Variants in HAUS6 observed in about 807,000 individuals in gnomAD.
HAUS6 encodes HAUS augmin like complex subunit 6, also known as HAUS augmin-like complex subunit 6.
Under a neutral mutation model 106.8 loss-of-function variants are expected in HAUS6, and 80 were observed. The observed-to-expected ratio is 0.75, with a 90% CI of 0.63 to 0.90. The LOEUF is 0.90. Among genes scored for constraint, HAUS6 ranks in the 40% least tolerant of loss-of-function variants. HAUS6 has a pLI of 0.00. For missense variants in HAUS6, 1,155 were observed against 1,118.1 expected, an observed-to-expected ratio of 1.03 and a Z score of -0.47; for synonymous variants, 356 against 379.1, an observed-to-expected ratio of 0.94 and a Z score of 0.71.
At chr9:19,089,660 C>T (rs1817704101) in intron 4 of HAUS6, 101 bp from the exon 5 acceptor site, 3 of 735,172 alleles carry the variant, frequency 4.1e-6, no homozygotes, top group Middle Eastern at 3.7e-4. Flanking sequence ...GGTATACAAT[C>T]TCCCACTGCT....
Position 19,058,091 on chromosome 9 carries a change from T to C in HAUS6, c.2676A>G (p.Ile892Met). 1.2e-6 allele frequency: 2 copies of C among 1,614,188 alleles called. No homozygotes were observed. The highest frequency in any genetic ancestry group is 1.7e-6 in the Non-Finnish European group (2 of 1,180,006). The change falls in exon 16 of 17, where the codon ATA (isoleucine) becomes ATG (methionine). Residue 892 changes from isoleucine (I) to methionine (M), a missense_variant. By Grantham distance (10) the Ile-to-Met change is conservative (BLOSUM62 1). This residue lies in a region of HAUS6 where 380 missense variants were observed against 394.8 expected (regional missense o/e 0.96). Coordinates refer to ENST00000380502, the MANE Select transcript of HAUS6 (RefSeq NM_017645.5). ...LDTCDLHTEH[I>M]KPSLRTSIGE... is the part of the protein sequence containing the mutation. ...CGATGGACGTGCGTAAAGATGGCTTTATATGCTCAGTATGCAAATCACAGG... is the reference window on the plus strand; with the variant it reads ...CGATGGACGTGCGTAAAGATGGCTTCATATGCTCAGTATGCAAATCACAGG...
rs905903652 is a variant in HAUS6 at position 19,099,229 on chromosome 9, C to G, written c.129-2460G>C. On this transcript the variant is annotated intron_variant, in intron 1 of 16. Transcript: ENST00000380502. The stretch of plus-strand genomic sequence containing the variant: ...TCCCCCAGGCTGGAGTGCAGCGGCG[C>G]GATCTCGGCTCACTGCAAGCTCTGC... Among the ~76,000 whole-genome samples the G allele has an allele frequency of 1.7e-4, 25 of 150,392 alleles. No individual in the cohort carries two copies. The South Asian group carries it at 4.8e-3, about 29-fold the overall frequency.
intron 16 of HAUS6, 193 bp from the exon 17 acceptor site, chr9:19,056,597 CT>C (rs879658713): frequency 0.085 from 33,425 of 390,982 alleles, 83 homozygotes; most frequent in Middle Eastern, 0.11. Flanking sequence ...TCCCAGAGTA[CT>C]TTTTTTTTTT....
chr9:19,075,169 T>C (rs780751416), intron 11 of HAUS6, among the ~76,000 whole-genome samples: 22 of 152,224 alleles, frequency 1.4e-4, no homozygotes, highest in Non-Finnish European at 4.4e-5. Flanking sequence ...TCCATCCATA[T>C]GAAAATCCAG....
rs559195154 is a variant in HAUS6 at position 19,076,694 on chromosome 9, A to T, written c.1202T>A (p.Leu401His). Residue 401 changes from leucine to histidine, a missense_variant, in exon 11 of 17, where the codon CTT becomes CAT. Leu to His is a moderately conservative substitution (Grantham distance 99). Around this residue, in one of 3 missense-constraint regions of HAUS6, gnomAD observed 761 missense variants for 690.0 expected, o/e 1.10. Transcript: ENST00000380502. The part of the protein sequence containing the change: ...LIKGWTPSVD[L>H]LPPMSPLSFD... ...CGAAAGGGGAGACATTGGTGGTAAAAGATCTACAGACTTAAAACAGAAAAT... is the reference window on the plus strand; with the variant it reads ...CGAAAGGGGAGACATTGGTGGTAAATGATCTACAGACTTAAAACAGAAAAT... 4.7e-5 allele frequency: 71 copies of T among 1,499,208 alleles called. No homozygotes were observed. In the East Asian group the frequency reaches 1.4e-3, roughly 30 times the overall value. The allele number at this position is 1,499,208 out of a possible 1,614,324, so 92.9% of individuals were successfully genotyped here.
intron 11 of HAUS6, among the ~76,000 whole-genome samples, chr9:19,071,231 T>C (rs963020911): frequency 6.6e-6 from 1 of 152,020 alleles, no homozygotes; most frequent in Admixed American, 6.6e-5. Flanking sequence ...AAAAAGCAGA[T>C]TAAACATAAC....
At chr9:19,096,318 G>T (rs200251460) in intron 2 of HAUS6, among the ~76,000 whole-genome samples, 1 of 152,034 alleles carries the variant, frequency 6.6e-6, no homozygotes, top group African/African-American at 2.4e-5. Flanking sequence ...TAATCACAGC[G>T]CTTTGGGAGG....
rs1163598205 is a variant in HAUS6 at position 19,089,417 on chromosome 9, ATTTTCCTGATAT to A, written c.567_578del (p.Lys189_Glu192del). On this transcript the variant is annotated inframe_deletion, in exon 5 of 17. Coordinates refer to ENST00000380502, the MANE Select transcript of HAUS6 (RefSeq NM_017645.5). Reference sequence around the variant, plus strand: ...ACTATCAAGGTACTACTTACTGTGCATTTTCCTGATATTTTTGGGTAACACAATCTTGTCTTT... The same window carrying A: ...ACTATCAAGGTACTACTTACTGTGCATTTTGGGTAACACAATCTTGTCTTT... The A allele has an allele frequency of 2.5e-6, 4 of 1,602,388 alleles. No homozygotes were observed. Among genetic ancestry groups the A allele is most frequent in the Non-Finnish European group, 3.4e-6 (4 of 1,169,528 alleles).
intron 1 of HAUS6, among the ~76,000 whole-genome samples, chr9:19,100,052 A>G (rs1225950827): frequency 6.6e-6 from 1 of 152,194 alleles, no homozygotes; most frequent in Non-Finnish European, 1.5e-5. Flanking sequence ...AAAATTAGCC[A>G]GGCGTGGTGG....
intron 12 of HAUS6, 152 bp from the exon 13 acceptor site, chr9:19,063,732 A>C (rs776332618): frequency 1.3e-6 from 1 of 764,070 alleles, no homozygotes; most frequent in East Asian, 2.5e-5. Flanking sequence ...TATTCTAGGG[A>C]GGCATGGTGA....
chr9:19,092,229 G>A (rs1353581020), intron 4 of HAUS6, among the ~76,000 whole-genome samples: 1 of 151,876 alleles, frequency 6.6e-6, no homozygotes, highest in Non-Finnish European at 1.5e-5. Context: ...GGCCAAGGCA[G>A]GAAGACTGCC....
At chr9:19,097,491 A>G (rs1253572923) in intron 1 of HAUS6, among the ~76,000 whole-genome samples, 2 of 152,144 alleles carry the variant, frequency 1.3e-5, no homozygotes, top group African/African-American at 4.8e-5. Flanking sequence ...CAAAAAACAC[A>G]TGAAAAAATG....
intron 1 of HAUS6, 94 bp from the exon 2 acceptor site, chr9:19,096,863 G>A: frequency 1.8e-6 from 1 of 563,654 alleles, no homozygotes; most frequent in Admixed American, 3.7e-5. Context: ...ACAAATTAAT[G>A]TTTTCATTCT....
Position 19,096,725 on chromosome 9 carries a change from G to C in HAUS6, c.173C>G (p.Ser58Cys), listed in dbSNP as rs750003005. 6.4e-7 allele frequency: 1 copy of C among 1,566,208 alleles called. No individual in the cohort carries two copies. Among genetic ancestry groups the C allele is most frequent in the Non-Finnish European group, 8.7e-7 (1 of 1,152,394 alleles). ...KLNRDAFHII[S>C]YFLFQVLDQS... The stretch of plus-strand genomic sequence containing the variant: ...GTCCAGAACTTGAAACAAAAAATAA[G>C]AAATTATATGAAAGGCATCACGGTT... The change falls in exon 2 of 17, where the codon TCT (serine) becomes TGT (cysteine). Residue 58 changes from serine (S) to cysteine (C), a missense_variant. Coordinates refer to ENST00000380502, the MANE Select transcript of HAUS6 (RefSeq NM_017645.5).
At chr9:19,077,178 G>A (rs1198427936) in intron 10 of HAUS6, among the ~76,000 whole-genome samples, 1 of 152,138 alleles carries the variant, frequency 6.6e-6, no homozygotes, top group Non-Finnish European at 1.5e-5. Flanking sequence ...ACAACATTAG[G>A]AGCAAGGGGG....
chr9:19,063,798 T>C, intron 12 of HAUS6: 1 of 716,008 alleles, frequency 1.4e-6, no homozygotes, highest in Non-Finnish European at 2.6e-6. Context: ...TTATGAAGAC[T>C]TTACTTACCA....
At chr9:19,081,596 TG>T (rs1022326104) in intron 8 of HAUS6, among the ~76,000 whole-genome samples, 2 of 151,994 alleles carry the variant, frequency 1.3e-5, no homozygotes, top group African/African-American at 4.8e-5. Context: ...TGCACCACCA[TG>T]CCCAGCTAAT....
chr9:19,066,876 G>A (rs1836770373), intron 12 of HAUS6, among the ~76,000 whole-genome samples: 1 of 151,174 alleles, frequency 6.6e-6, no homozygotes. Flanking sequence ...GTGTGGAGGT[G>A]CATGCCTGCA....
intron 7 of HAUS6, among the ~76,000 whole-genome samples, chr9:19,086,117 G>A (rs1448047010): frequency 6.6e-6 from 1 of 151,718 alleles, no homozygotes; most frequent in Non-Finnish European, 1.5e-5. Context: ...TTCAAGACCA[G>A]CTTGGCCAAC....
Sources: gnomAD v4.1 joint callset for allele counts (sites outside exome capture counted in the v4.1 genomes callset) on GRCh38, gnomAD v4.1.1 for gene constraint, gnomAD v4.1.1 regional missense constraint, MANE v1.5 for transcripts, NCBI Gene and HGNC (gene_info 2026-07-23, HGNC 2026-07-21) for gene names.